Variants in EPHA6 observed in about 807,000 individuals in gnomAD.
The protein encoded by EPHA6 is EPH receptor A6, also known as ephrin type-A receptor 6.
Under a neutral mutation model 112.0 loss-of-function variants are expected in EPHA6, and 50 were observed. The observed-to-expected ratio is 0.45, with a 90% CI of 0.36 to 0.56. EPHA6 has a LOEUF of 0.56. Ranked by LOEUF, EPHA6 falls within the 20% of genes least tolerant of loss-of-function variation. The probability of loss-of-function intolerance (pLI) is 0.00; values close to 1 mark genes in which losing one functional copy is unlikely to be tolerated. For missense variants in EPHA6, 1,280 were observed against 1,417.4 expected, an observed-to-expected ratio of 0.90 and a Z score of 1.56; for synonymous variants, 529 against 490.7, an observed-to-expected ratio of 1.08 and a Z score of -1.03.
At chr3:97,748,453 T>C in intron 17 of EPHA6, 134 bp from the exon 18 acceptor site, 2 of 602,422 alleles carry the variant, frequency 3.3e-6, no homozygotes. Flanking sequence ...AGAGTGCTTA[T>C]TTAATATATT....
intron 16 of EPHA6, among the ~76,000 whole-genome samples, chr3:97,737,955 G>C (rs1489457054): frequency 6.6e-6 from 1 of 152,060 alleles, no homozygotes; most frequent in African/African-American, 2.4e-5. Flanking sequence ...AAAGAGGAGA[G>C]AGTTTCAAGG....
At chr3:97,165,261 C>T (rs2076513053) in intron 3 of EPHA6, among the ~76,000 whole-genome samples, 2 of 152,136 alleles carry the variant, frequency 1.3e-5, no homozygotes, top group South Asian at 2.1e-4. Context: ...AATGTCTTCT[C>T]ACTCTCCAAC....
chr3:97,575,469 A>G (rs1265354862), intron 11 of EPHA6, among the ~76,000 whole-genome samples: 2 of 152,208 alleles, frequency 1.3e-5, no homozygotes, highest in Non-Finnish European at 2.9e-5. Flanking sequence ...AAAAATTCAC[A>G]AAGTAAAACT....
At chr3:97,532,256 G>A in intron 10 of EPHA6, 102 bp from the exon 11 acceptor site, 2 of 959,834 alleles carry the variant, frequency 2.1e-6, no homozygotes, top group Non-Finnish European at 3.1e-6. Context: ...ACATACTTAA[G>A]AGTCATTATG....
intron 5 of EPHA6, among the ~76,000 whole-genome samples, chr3:97,315,859 A>G (rs1028843034): frequency 6.6e-6 from 1 of 151,830 alleles, no homozygotes; most frequent in African/African-American, 2.4e-5. Flanking sequence ...CTTATTTCAC[A>G]CACTGTGTTC....
At chr3:97,485,591 T>C (rs13314216) in intron 10 of EPHA6, among the ~76,000 whole-genome samples, 10,363 of 152,222 alleles carry the variant, frequency 0.068, 1,095 homozygotes, top group African/African-American at 0.23. Context: ...TTCATAATCT[T>C]TATGTTCTCA....
chr3:97,737,340 G>A lies in EPHA6; in HGVS notation c.3128+1222G>A, dbSNP rs746864642. Among the ~76,000 whole-genome samples, 18 of 152,118 alleles carry A rather than the reference G, an allele frequency of 1.2e-4. No individual in the cohort carries two copies. The South Asian group carries it at 1.5e-3, about 12-fold the overall frequency. On this transcript the variant is annotated intron_variant, in intron 16 of 17. Transcript: ENST00000389672. The stretch of plus-strand genomic sequence containing the variant: ...AGGAACAAGACTGGAAACAGAGACA[G>A]TTTTATGTTTTCAGTAACTAAAGCT...
chr3:97,550,861 A>G (rs1433628650), intron 11 of EPHA6, among the ~76,000 whole-genome samples: 2 of 152,182 alleles, frequency 1.3e-5, no homozygotes, highest in African/African-American at 4.8e-5. Context: ...GAAAATGTCA[A>G]TAAAAGACAA....
At chr3:97,158,573 T>C (rs1374537560) in intron 3 of EPHA6, among the ~76,000 whole-genome samples, 1 of 152,078 alleles carries the variant, frequency 6.6e-6, no homozygotes, top group Non-Finnish European at 1.5e-5. Context: ...TTTTGAAGGC[T>C]CCAAATTTAA....
chr3:97,353,266 G>A (rs1329642793), intron 5 of EPHA6, among the ~76,000 whole-genome samples: 4 of 151,588 alleles, frequency 2.6e-5, no homozygotes, highest in Admixed American at 2.0e-4. Context: ...GGAAAGGAGA[G>A]GGAAGAGTAA....
chr3:97,518,849 T>G (rs569384393), intron 10 of EPHA6, among the ~76,000 whole-genome samples: 2 of 152,214 alleles, frequency 1.3e-5, no homozygotes, highest in African/African-American at 2.4e-5. Flanking sequence ...TTGTTTGTTT[T>G]GTTTTGTTTT....
chr3:97,497,873 T>C (rs545519065), intron 10 of EPHA6, among the ~76,000 whole-genome samples: 2 of 151,810 alleles, frequency 1.3e-5, no homozygotes, highest in African/African-American at 4.8e-5. Context: ...GCAATTAAAA[T>C]GATCACTATA....
chr3:97,233,532 G>A (rs2078594878), intron 4 of EPHA6, among the ~76,000 whole-genome samples: 1 of 152,040 alleles, frequency 6.6e-6, no homozygotes, highest in Non-Finnish European at 1.5e-5. Context: ...ACCACAAACA[G>A]TAGCAATATT....
At chr3:97,509,312 A>G (rs1007897846) in intron 10 of EPHA6, among the ~76,000 whole-genome samples, 1 of 151,960 alleles carries the variant, frequency 6.6e-6, no homozygotes, top group African/African-American at 2.4e-5. Flanking sequence ...ATGTTTTTGC[A>G]GTGGCCGGTA....
intron 14 of EPHA6, among the ~76,000 whole-genome samples, chr3:97,651,736 A>C (rs1392541843): frequency 6.6e-6 from 1 of 152,250 alleles, no homozygotes; most frequent in Non-Finnish European, 1.5e-5. Context: ...ACTGAGAAAG[A>C]TCAATCAGCA....
intron 5 of EPHA6, among the ~76,000 whole-genome samples, chr3:97,368,486 C>T (rs1285729377): frequency 6.6e-6 from 1 of 151,946 alleles, no homozygotes; most frequent in African/African-American, 2.4e-5. Flanking sequence ...ATTGATTTTC[C>T]TTATTAAAAT....
chr3:96,896,840 T>A (rs2038296927), intron 2 of EPHA6, among the ~76,000 whole-genome samples: 1 of 152,206 alleles, frequency 6.6e-6, no homozygotes, highest in Non-Finnish European at 1.5e-5. Context: ...AAATTTTTCA[T>A]TTATCCATTC....
At chr3:96,819,769 C>T (rs1167486665) in intron 1 of EPHA6, among the ~76,000 whole-genome samples, 2 of 152,034 alleles carry the variant, frequency 1.3e-5, no homozygotes, top group African/African-American at 2.4e-5. Flanking sequence ...ACTGAAGATA[C>T]ATTCTGTTCT....
chr3:97,425,248 C>T (rs2089015530), intron 6 of EPHA6, among the ~76,000 whole-genome samples: 1 of 152,240 alleles, frequency 6.6e-6, no homozygotes, highest in African/African-American at 2.4e-5. Flanking sequence ...GGGCTCCAAC[C>T]CCACATTTTG....
Sources: allele counts gnomAD v4.1 joint callset (sites outside exome capture counted in the v4.1 genomes callset), GRCh38; gene constraint gnomAD v4.1.1; transcripts MANE v1.5; gene names NCBI Gene and HGNC (gene_info 2026-07-23, HGNC 2026-07-21).